ZFR: variants seen among roughly 807,000 people sequenced by gnomAD.
ZFR encodes zinc finger RNA binding protein.
A neutral mutation model predicts 130.7 loss-of-function variants in ZFR; 19 were observed. The ratio of observed to expected loss-of-function variants is 0.15; its 90% CI spans 0.10 to 0.21. The LOEUF (loss-of-function observed/expected upper bound fraction) is 0.21, where lower values mean the gene tolerates loss of function less well. ZFR is among the 10% of genes least tolerant of loss of function. ZFR has a pLI of 1.00. For missense variants in ZFR, 872 were observed against 1,321.5 expected (o/e 0.66, Z 5.27); for synonymous variants, 466 against 456.9 (o/e 1.02, Z -0.25).
intron 1 of ZFR, 144 bp from the exon 2 acceptor site, chr5:32,444,472 C>A: frequency 1.6e-6 from 2 of 1,284,738 alleles, no homozygotes; most frequent in Non-Finnish European, 2.1e-6. Flanking sequence ...CGCCGCCTCC[C>A]CCTCCCGCCT....
chr5:32,403,179 A>G lies in ZFR; in HGVS notation c.1443T>C (p.Ser481=), dbSNP rs758591605. 1.9e-6 allele frequency: 3 copies of G among 1,614,112 alleles called. No homozygotes were observed. The African/African-American group carries it at 4.0e-5, about 22-fold the overall frequency. The change falls in exon 8 of 20, where the codon TCT becomes TCC. Residue 481 remains serine (S), a synonymous_variant. Transcript: ENST00000265069. Reference sequence around the variant, plus strand: ...TAGGCACTGCTGATACTTTAGTGTTAGATGTGCTATTAAGAGACGAGTTTC... The same window carrying G: ...TAGGCACTGCTGATACTTTAGTGTTGGATGTGCTATTAAGAGACGAGTTTC... ...TTGNSSLNST[S]NTKVSAVPTN... is the part of the protein sequence containing the mutation.
chr5:32,362,317 C>A (rs1242646407), intron 19 of ZFR, among the ~76,000 whole-genome samples: 3 of 151,956 alleles, frequency 2.0e-5, no homozygotes, highest in African/African-American at 7.3e-5. Flanking sequence ...GCAGAAGCAA[C>A]TTGAAAAGGA....
intron 17 of ZFR, among the ~76,000 whole-genome samples, chr5:32,374,084 T>C (rs77583674): frequency 0.017 from 2,550 of 152,274 alleles, 36 homozygotes; most frequent in Non-Finnish European, 0.026. Flanking sequence ...AGTCTATTCA[T>C]ACAAGTAACA....
intron 5 of ZFR, among the ~76,000 whole-genome samples, chr5:32,412,742 T>C (rs1311435000): frequency 6.6e-6 from 1 of 152,222 alleles, no homozygotes; most frequent in Admixed American, 6.5e-5. Context: ...ATATTGCTTA[T>C]AAACTTATAT....
At chr5:32,391,160 C>G (rs947979537) in intron 11 of ZFR, among the ~76,000 whole-genome samples, 3 of 152,226 alleles carry the variant, frequency 2.0e-5, no homozygotes, top group Non-Finnish European at 2.9e-5. Context: ...CTGTCCAGCT[C>G]CATCCCACCT....
intron 2 of ZFR, among the ~76,000 whole-genome samples, chr5:32,443,864 G>A (rs1455078133): frequency 2.0e-5 from 3 of 152,256 alleles, no homozygotes; most frequent in African/African-American, 4.8e-5. Flanking sequence ...GGAGGTGGGG[G>A]CTGGACGCGC....
At chr5:32,377,150 C>T (rs1472870677) in intron 17 of ZFR, among the ~76,000 whole-genome samples, 1 of 72,002 alleles carries the variant, frequency 1.4e-5, no homozygotes, top group African/African-American at 5.8e-5. Context: ...AGCAAGACTC[C>T]ATCTGAAAAA....
chr5:32,403,531 TACACAC>T, intron 7 of ZFR, 134 bp from the exon 8 acceptor site: 7 of 1,042,418 alleles, frequency 6.7e-6, no homozygotes, highest in South Asian at 1.7e-5. Flanking sequence ...TTTTTGTATA[TACACAC>T]ATATACAAAA....
chr5:32,438,253 A>ATTTTTTTTTTTTTTTTTTTTTTTTTTTTT lies in ZFR; in HGVS notation c.137+5975_137+5976insAAAAAAAAAAAAAAAAAAAAAAAAAAAAA, dbSNP rs869249272. On this transcript the variant is annotated intron_variant, in intron 2 of 19. Transcript: ENST00000265069. ...AGAATGCTACTGATTTTATCTGAAA[A>ATTTTTTTTTTTTTTTTTTTTTTTTTTTTT]TTTTTTTTTTTTTTTTTTTTTTTTT... Among the ~76,000 whole-genome samples, 7 of 61,044 alleles carry ATTTTTTTTTTTTTTTTTTTTTTTTTTTTT rather than the reference A, an allele frequency of 1.1e-4. 2 individuals are homozygous for ATTTTTTTTTTTTTTTTTTTTTTTTTTTTT. The highest frequency in any genetic ancestry group is 1.2e-4 in the Non-Finnish European group (4 of 33,468). The allele number at this position is 61,044 out of a possible 152,430, so 40.0% of individuals were successfully genotyped here.
At chr5:32,401,165 T>C (rs1395037667) in intron 8 of ZFR, among the ~76,000 whole-genome samples, 3 of 152,232 alleles carry the variant, frequency 2.0e-5, no homozygotes, top group Non-Finnish European at 2.9e-5. Context: ...AGCATGTTAA[T>C]TGTGAATCTC....
intron 2 of ZFR, among the ~76,000 whole-genome samples, 180 bp downstream of exon 2, chr5:32,444,049 G>T (rs980988667): frequency 7.2e-6 from 1 of 138,440 alleles, no homozygotes; most frequent in Non-Finnish European, 1.6e-5. Context: ...GCCGGGCCGG[G>T]CCGGGCAAGG....
At chr5:32,396,294 G>GT (rs974983296) in intron 10 of ZFR, among the ~76,000 whole-genome samples, 21 of 151,764 alleles carry the variant, frequency 1.4e-4, no homozygotes, top group Non-Finnish European at 2.8e-4. Context: ...AACTGTAACT[G>GT]TTTATAAACA....
intron 9 of ZFR, among the ~76,000 whole-genome samples, chr5:32,399,172 G>A (rs1753385683): frequency 1.3e-5 from 2 of 152,094 alleles, no homozygotes; most frequent in African/African-American, 4.8e-5. Flanking sequence ...CTACTTGGGA[G>A]GCTGAGGCAG....
chr5:32,385,799 A>C, intron 14 of ZFR, 150 bp from the exon 15 acceptor site: 2 of 681,960 alleles, frequency 2.9e-6, no homozygotes, highest in East Asian at 2.8e-5. Flanking sequence ...GCCCTGCCGT[A>C]CATGCCAGTA....
At chr5:32,386,376 T>A (rs183204557) in intron 14 of ZFR, among the ~76,000 whole-genome samples, 3 of 152,264 alleles carry the variant, frequency 2.0e-5, no homozygotes, top group Admixed American at 6.5e-5. Context: ...AAATTAATTT[T>A]ATTTCACTTG....
chr5:32,426,050 GAA>G (rs1450915950), intron 2 of ZFR, among the ~76,000 whole-genome samples: 1 of 152,126 alleles, frequency 6.6e-6, no homozygotes, highest in African/African-American at 2.4e-5. Flanking sequence ...ACAGGAAAAT[GAA>G]ATTGCTTAAT....
chr5:32,441,615 G>T (rs981202949), intron 2 of ZFR, among the ~76,000 whole-genome samples: 1 of 151,900 alleles, frequency 6.6e-6, no homozygotes, highest in South Asian at 2.1e-4. Context: ...TAGTAAAGTA[G>T]ACCTTGGTCT....
At chr5:32,381,297 TATCC>T (rs925809507) in intron 15 of ZFR, among the ~76,000 whole-genome samples, 4 of 152,210 alleles carry the variant, frequency 2.6e-5, no homozygotes, top group African/African-American at 9.6e-5. Flanking sequence ...GCTATCTTTA[TATCC>T]ATCTAAACAT....
intron 2 of ZFR, among the ~76,000 whole-genome samples, chr5:32,440,780 G>A (rs1281048219): frequency 6.6e-6 from 1 of 152,102 alleles, no homozygotes; most frequent in African/African-American, 2.4e-5. Flanking sequence ...GAAAAATGTG[G>A]TAACTAATCT....
Sources: gnomAD v4.1 joint callset for allele counts (sites outside exome capture counted in the v4.1 genomes callset) on GRCh38, gnomAD v4.1.1 for gene constraint, MANE v1.5 for transcripts, NCBI Gene and HGNC (gene_info 2026-07-23, HGNC 2026-07-21) for gene names.